DCBLD2: variants seen among roughly 807,000 people sequenced by gnomAD.
The protein encoded by DCBLD2 is discoidin, CUB and LCCL domain-containing protein 2.
A neutral mutation model predicts 86.8 loss-of-function variants in DCBLD2; 54 were observed. That is an observed-to-expected ratio of 0.62 (90% confidence interval 0.50 to 0.78). The LOEUF (loss-of-function observed/expected upper bound fraction) is 0.78, where lower values mean the gene tolerates loss of function less well. Ranked by LOEUF, DCBLD2 falls within the 30% of genes least tolerant of loss-of-function variation. The pLI is 0.00. For synonymous variants in DCBLD2, 354 were observed against 341.3 expected (o/e 1.04, Z -0.41); for missense variants, 908 against 954.2 (o/e 0.95, Z 0.64).
At chr3:98,840,694 C>T (rs563294745) in intron 3 of DCBLD2, among the ~76,000 whole-genome samples, 1 of 152,218 alleles carries the variant, frequency 6.6e-6, no homozygotes, top group South Asian at 2.1e-4. Context: ...ATGGGGGTCT[C>T]ACTACCTTTC....
chr3:98,877,610 A>C (rs1255573246), intron 2 of DCBLD2, among the ~76,000 whole-genome samples: 2 of 152,184 alleles, frequency 1.3e-5, no homozygotes, highest in African/African-American at 4.8e-5. Flanking sequence ...ATGTATATAC[A>C]TATGTATATA....
At chr3:98,829,553 G>A (rs779632303) in intron 3 of DCBLD2, among the ~76,000 whole-genome samples, 6 of 152,078 alleles carry the variant, frequency 3.9e-5, no homozygotes, top group Admixed American at 6.6e-5. Flanking sequence ...TTCCTGTGAG[G>A]TTAATGGCCT....
intron 4 of DCBLD2, among the ~76,000 whole-genome samples, chr3:98,824,526 T>C (rs1942183052): frequency 6.6e-6 from 1 of 152,080 alleles, no homozygotes; most frequent in African/African-American, 2.4e-5. Context: ...ATTAAGGTTC[T>C]TGGGGGGAAG....
At chr3:98,826,636 A>AG (rs1942227947) in intron 3 of DCBLD2, among the ~76,000 whole-genome samples, 1 of 152,348 alleles carries the variant, frequency 6.6e-6, no homozygotes, top group South Asian at 2.1e-4. Context: ...CCCCGGACAG[A>AG]GCCTGAGGCT....
chr3:98,806,676 ACAGCCAAATATTCAAAT>A (rs1454375620), intron 13 of DCBLD2, among the ~76,000 whole-genome samples: 1 of 152,156 alleles, frequency 6.6e-6, no homozygotes, highest in African/African-American at 2.4e-5. Flanking sequence ...ACATAGGGTA[ACAGCCAAATATTCAAAT>A]ACTTGTTGCA....
chr3:98,853,535 T>C (rs527320729), intron 2 of DCBLD2, among the ~76,000 whole-genome samples: 1 of 152,314 alleles, frequency 6.6e-6, no homozygotes, highest in East Asian at 1.9e-4. Flanking sequence ...ATTTCATCTG[T>C]CTAGACCCTG....
chr3:98,811,218 T>C lies in DCBLD2; in HGVS notation c.1552A>G (p.Thr518Ala), dbSNP rs1298195669. Residue 518 changes from threonine to alanine, a missense_variant, in exon 12 of 16, where the codon ACC (threonine) becomes GCC (alanine). By Grantham distance (58) the Thr-to-Ala change is moderately conservative. Transcript: ENST00000326840. Reference sequence around the variant, plus strand: ...CCTTTGGTTACATTTGGAGTTACGGTAGTATTTCTGATATCAGGACTGGCA... The same window carrying C: ...CCTTTGGTTACATTTGGAGTTACGGCAGTATTTCTGATATCAGGACTGGCA... Reference protein sequence around the residue: ...TTASPDIRNTTVTPNVTKDVA... With the variant: ...TTASPDIRNTAVTPNVTKDVA... 1.2e-6 allele frequency: 2 copies of C among 1,609,836 alleles called. No homozygotes were observed. Among genetic ancestry groups the C allele is most frequent in the East Asian group, 2.2e-5 (1 of 44,876 alleles).
chr3:98,899,514 T>C (rs369921215), intron 1 of DCBLD2, among the ~76,000 whole-genome samples: 10 of 152,300 alleles, frequency 6.6e-5, no homozygotes, highest in African/African-American at 2.2e-4. Context: ...CCTCCCAAAG[T>C]GCTCGGATTA....
At chr3:98,839,160 T>TC (rs1942566820) in intron 3 of DCBLD2, among the ~76,000 whole-genome samples, 1 of 90,904 alleles carries the variant, frequency 1.1e-5, no homozygotes. Context: ...TCTTTCTTTC[T>TC]TTCTTTCTTT....
At chr3:98,847,239 G>A (rs1487351392) in intron 3 of DCBLD2, among the ~76,000 whole-genome samples, 1 of 152,058 alleles carries the variant, frequency 6.6e-6, no homozygotes, top group East Asian at 1.9e-4. Context: ...ATTAGATTCA[G>A]TCCTCACAAC....
chr3:98,811,938 A>T (rs569276379), intron 10 of DCBLD2, among the ~76,000 whole-genome samples: 20 of 152,368 alleles, frequency 1.3e-4, no homozygotes, highest in South Asian at 1.2e-3. Context: ...GGCGTACAAA[A>T]GTAAACAGTA....
chr3:98,873,369 T>C (rs1943312612), intron 2 of DCBLD2, among the ~76,000 whole-genome samples: 1 of 152,056 alleles, frequency 6.6e-6, no homozygotes, highest in African/African-American at 2.4e-5. Context: ...GAGTAAACCT[T>C]CTCAAGTATA....
chr3:98,801,514 G>C (rs886542067), intron 14 of DCBLD2, 86 bp downstream of exon 14: 36 of 1,080,064 alleles, frequency 3.3e-5, no homozygotes, highest in Non-Finnish European at 4.7e-5. Flanking sequence ...ACCTGGGCCA[G>C]AGAATGACTC....
chr3:98,865,816 C>A (rs922476883), intron 2 of DCBLD2, among the ~76,000 whole-genome samples: 3 of 151,352 alleles, frequency 2.0e-5, no homozygotes, highest in East Asian at 1.9e-4. Context: ...CCCATTAACT[C>A]GTCATTTACA....
intron 2 of DCBLD2, among the ~76,000 whole-genome samples, chr3:98,870,758 AAAGAAAGAAAGAAAGAAAG>A (rs1450974709): frequency 3.8e-5 from 2 of 52,454 alleles, no homozygotes; most frequent in African/African-American, 1.5e-4. Context: ...AGAAAGAAAG[AAAGAAAGAAAGAAAGAAAG>A]AAAGAAAGAA....
chr3:98,850,381 AG>A (rs1942814650), intron 2 of DCBLD2, among the ~76,000 whole-genome samples: 1 of 152,218 alleles, frequency 6.6e-6, no homozygotes, highest in Non-Finnish European at 1.5e-5. Context: ...GTTTTAAGAA[AG>A]TTTATAAATT....
intron 3 of DCBLD2, among the ~76,000 whole-genome samples, chr3:98,843,147 T>C (rs1318732002): frequency 6.6e-6 from 1 of 152,212 alleles, no homozygotes; most frequent in East Asian, 1.9e-4. Flanking sequence ...TCAGCACCTT[T>C]GTTCTACAAA....
chr3:98,807,475 CCAGACGGCAGGCCCTCACTAGT>C (rs1393821099), intron 13 of DCBLD2, among the ~76,000 whole-genome samples: 1 of 152,150 alleles, frequency 6.6e-6, no homozygotes, highest in Non-Finnish European at 1.5e-5. Context: ...GATGAATGAG[CCAGACGGCAGGCCCTCACTAGT>C]CATAGTATCT....
At chr3:98,857,515 A>G (rs1365959238) in intron 2 of DCBLD2, among the ~76,000 whole-genome samples, 1 of 152,110 alleles carries the variant, frequency 6.6e-6, no homozygotes, top group African/African-American at 2.4e-5. Flanking sequence ...CAGGGTGCTG[A>G]TTGGTGCGTT....
Sources: gnomAD v4.1 joint callset for allele counts (sites outside exome capture counted in the v4.1 genomes callset) on GRCh38, gnomAD v4.1.1 for gene constraint, MANE v1.5 for transcripts, NCBI Gene and HGNC (gene_info 2026-07-23, HGNC 2026-07-21) for gene names.